TNS1: variants seen among roughly 807,000 people sequenced by gnomAD.
TNS1 encodes tensin 1.
TNS1 carries 62 observed loss-of-function variants against 168.6 expected under a neutral mutation model. The ratio of observed to expected loss-of-function variants is 0.37; its 90% CI spans 0.30 to 0.45. The LOEUF (loss-of-function observed/expected upper bound fraction) is 0.45, where lower values mean the gene tolerates loss of function less well. TNS1 is among the 20% of genes least tolerant of loss of function. TNS1 has a pLI of 1.00. For synonymous variants in TNS1, 934 were observed against 933.2 expected, an observed-to-expected ratio of 1.00 and a Z score of -0.02; for missense variants, 2,240 against 2,339.4, an observed-to-expected ratio of 0.96 and a Z score of 0.88.
intron 2 of TNS1, among the ~76,000 whole-genome samples, chr2:217,990,610 A>G (rs1380368962): frequency 6.6e-6 from 1 of 152,200 alleles, no homozygotes; most frequent in East Asian, 1.9e-4. Flanking sequence ...ACATGCCACC[A>G]CATACTAATC....
chr2:217,979,549 A>G (rs571929588), intron 2 of TNS1, among the ~76,000 whole-genome samples: 1 of 151,848 alleles, frequency 6.6e-6, no homozygotes, highest in African/African-American at 2.4e-5. Flanking sequence ...ACACACACAC[A>G]CACAGGACTT....
At chr2:217,996,758 G>A (rs975819432) in intron 1 of TNS1, among the ~76,000 whole-genome samples, 8 of 151,864 alleles carry the variant, frequency 5.3e-5, no homozygotes, top group African/African-American at 1.5e-4. Context: ...ACACCAGGCC[G>A]CTCCCACCCA....
chr2:217,856,728 A>C (rs964987865), intron 18 of TNS1, among the ~76,000 whole-genome samples: 3 of 152,180 alleles, frequency 2.0e-5, no homozygotes, highest in Non-Finnish European at 4.4e-5. Flanking sequence ...AAATAGCTCC[A>C]GAGCCCACAA....
At position 217,831,942 on chromosome 2, in the gene TNS1, AACACACACACACAC is replaced by A. The variant is rs66652637; in HGVS notation, c.3281-409_3281-396del. Among the ~76,000 whole-genome samples the A allele has an allele frequency of 6.2e-5, 9 of 146,186 alleles. No homozygotes were observed. In the East Asian group the frequency reaches 1.8e-3, roughly 29 times the overall value. ...CTCATCCCTCTTCCTACCCTCACCC[AACACACACACACAC>A]ACACACACACACACAGACACACACA... On this transcript the variant is annotated intron_variant, in intron 21 of 32. Coordinates refer to ENST00000682258, the MANE Select transcript of TNS1 (RefSeq NM_001387777.1).
intron 1 of TNS1, among the ~76,000 whole-genome samples, chr2:218,027,075 C>T (rs976149257): frequency 1.3e-5 from 2 of 151,960 alleles, no homozygotes; most frequent in South Asian, 4.2e-4. Context: ...AGAGACTTTA[C>T]GGCAAACACA....
At chr2:217,918,801 G>T (rs142065634) in intron 4 of TNS1, among the ~76,000 whole-genome samples, 1 of 143,436 alleles carries the variant, frequency 7.0e-6, no homozygotes, top group Non-Finnish European at 1.5e-5. Flanking sequence ...ATCCAAGCGC[G>T]ATTTCTTGCT....
chr2:217,808,582 A>G, intron 31 of TNS1, 21 bp downstream of exon 31: 1 of 1,612,416 alleles, frequency 6.2e-7, no homozygotes, highest in South Asian at 1.1e-5. Context: ...GTGGGAGAGA[A>G]GCTGTGTACA....
chr2:218,033,741 G>T lies in TNS1; in HGVS notation c.156+79C>A, dbSNP rs1386348207. On this transcript the variant is annotated intron_variant, in intron 1 of 1. Coordinates refer to the TNS1 transcript ENST00000649572. This position sits in a 1 kb window ranked among gnomAD's most constrained non-coding sequence, Gnocchi z 4.3. ...CCGTCCTGGGCTGGCTACTTAACCT[G>T]TGTCAGGTGCCCTGGGCTCTGCCAA... 1.3e-5 allele frequency among the ~76,000 whole-genome samples: 2 copies of T among 152,180 alleles called. No homozygotes were observed. Among genetic ancestry groups the T allele is most frequent in the Non-Finnish European group, 2.9e-5 (2 of 68,038 alleles).
At chr2:217,853,635 G>T (rs1270911564) in intron 18 of TNS1, among the ~76,000 whole-genome samples, 1 of 152,118 alleles carries the variant, frequency 6.6e-6, no homozygotes, top group Non-Finnish European at 1.5e-5. Flanking sequence ...TCTCTCCATG[G>T]CCCCACTGTC....
At chr2:217,837,864 TG>T (rs1945381582) in intron 19 of TNS1, among the ~76,000 whole-genome samples, 1 of 152,212 alleles carries the variant, frequency 6.6e-6, no homozygotes, top group Non-Finnish European at 1.5e-5. Flanking sequence ...GGCGTGGTTT[TG>T]GGAAGGGTGG....
intron 4 of TNS1, among the ~76,000 whole-genome samples, chr2:217,918,865 G>A (rs763972974): frequency 2.6e-5 from 4 of 151,870 alleles, no homozygotes; most frequent in Non-Finnish European, 4.4e-5. Flanking sequence ...GTTGCCAGAT[G>A]ACCCTCCACT....
intron 6 of TNS1, chr2:217,905,548 G>A (rs899881869): frequency 3.5e-5 from 10 of 288,380 alleles, no homozygotes; most frequent in East Asian, 3.3e-4. Context: ...ATAGGGCCTC[G>A]TGCCATCAAC....
Position 217,876,236 on chromosome 2 carries a change from C to T in TNS1, c.1429+4662G>A, listed in dbSNP as rs1218826530. Among the ~76,000 whole-genome samples, 5 of 152,138 alleles carry T rather than the reference C, an allele frequency of 3.3e-5. No individual in the cohort carries two copies. The East Asian group carries it at 9.6e-4, about 29-fold the overall frequency. On this transcript the variant is annotated intron_variant, in intron 18 of 32. Coordinates refer to ENST00000682258, the MANE Select transcript of TNS1 (RefSeq NM_001387777.1). ...TATCCCTTGGTTCAAGGCTTGCTTC[C>T]GAGAAGGCTTGCCCCGGAACACTAT...
chr2:217,920,589 G>C (rs1188654773), intron 3 of TNS1, among the ~76,000 whole-genome samples: 4 of 126,754 alleles, frequency 3.2e-5, no homozygotes, highest in Admixed American at 8.1e-5. Context: ...TTTGCTCTAT[G>C]TCCTGAATTT....
rs115351992 is a variant in TNS1 at position 217,998,571 on chromosome 2, G to T, written c.33+4269C>A. Among the ~76,000 whole-genome samples, 536 of 152,302 alleles carry T rather than the reference G, an allele frequency of 3.5e-3. 5 individuals carry two copies. The highest frequency in any genetic ancestry group is 0.012 in the African/African-American group (509 of 41,558). On this transcript the variant is annotated intron_variant, in intron 1 of 32. Coordinates refer to ENST00000682258, the MANE Select transcript of TNS1 (RefSeq NM_001387777.1). ...GCTGGAGTGCAGTGGTGTAATCATA[G>T]CTCGCTATAGCCTTGACCTCCAGGG...
chr2:217,847,234 T>C (rs1339503100), intron 19 of TNS1, among the ~76,000 whole-genome samples: 1 of 152,256 alleles, frequency 6.6e-6, no homozygotes, highest in Non-Finnish European at 1.5e-5. Context: ...TACTCTCTAA[T>C]GAAATCATCT....
At position 218,024,833 on chromosome 2, in the gene TNS1, C is replaced by T. The variant is rs1958838620; in HGVS notation, c.156+8987G>A. On this transcript the variant is annotated intron_variant, in intron 1 of 1. Transcript: ENST00000649572. ...CCTCTGTACCCATGCCTCAGTTTCC[C>T]CTTAGCACAGAGGCATCCTAAGCAG... 2.6e-5 allele frequency among the ~76,000 whole-genome samples: 4 copies of T among 152,182 alleles called. No individual in the cohort carries two copies. The South Asian group carries it at 8.3e-4, about 32-fold the overall frequency.
chr2:217,952,027 G>T (rs1397795876), intron 3 of TNS1, among the ~76,000 whole-genome samples: 1 of 152,252 alleles, frequency 6.6e-6, no homozygotes, highest in African/African-American at 2.4e-5. Context: ...AGCCAGATGG[G>T]CCCCTGCCCT....
intron 24 of TNS1, among the ~76,000 whole-genome samples, chr2:217,815,577 G>A (rs558787714): frequency 6.6e-6 from 1 of 152,294 alleles, no homozygotes; most frequent in South Asian, 2.1e-4. Flanking sequence ...CGCCATCTGG[G>A]TGGCTGAGCC....
Sources: gnomAD v4.1 joint callset for allele counts (sites outside exome capture counted in the v4.1 genomes callset) on GRCh38, gnomAD v4.1.1 for gene constraint, Gnocchi (gnomAD v3.1) non-coding constraint, MANE v1.5 for transcripts, NCBI Gene and HGNC (gene_info 2026-07-23, HGNC 2026-07-21) for gene names.